CDKAL1: variants seen among roughly 807,000 people sequenced by gnomAD.
The protein encoded by CDKAL1 is threonylcarbamoyladenosine tRNA methylthiotransferase.
In CDKAL1, 32 loss-of-function variants were observed where a neutral mutation model predicts 68.2. The observed-to-expected ratio is 0.47, with a 90% CI of 0.35 to 0.63. CDKAL1 has a LOEUF of 0.63. Ranked by LOEUF, CDKAL1 falls within the 30% of genes least tolerant of loss-of-function variation. CDKAL1 has a pLI of 0.00. For synonymous variants in CDKAL1, 234 were observed against 244.3 expected, an observed-to-expected ratio of 0.96 and a Z score of 0.39; for missense variants, 606 against 696.7, an observed-to-expected ratio of 0.87 and a Z score of 1.47.
chr6:21,185,821 G>A (rs1297056757), intron 13 of CDKAL1, among the ~76,000 whole-genome samples: 1 of 152,118 alleles, frequency 6.6e-6, no homozygotes, highest in African/African-American at 2.4e-5. Flanking sequence ...AGAAGAAGTA[G>A]TATTCATTTT....
At chr6:20,739,783 T>G (rs1234838959) in intron 6 of CDKAL1, among the ~76,000 whole-genome samples, 168 bp downstream of exon 6, 1 of 152,222 alleles carries the variant, frequency 6.6e-6, no homozygotes, top group African/African-American at 2.4e-5. Flanking sequence ...TGTGTAACTT[T>G]TTCACCTTAG....
At chr6:20,625,798 A>G (rs1767403044) in intron 4 of CDKAL1, among the ~76,000 whole-genome samples, 1 of 152,134 alleles carries the variant, frequency 6.6e-6, no homozygotes, top group Non-Finnish European at 1.5e-5. Context: ...TTAGAAGAAA[A>G]TGTAGACTGT....
At chr6:20,940,570 C>T (rs182257594) in intron 9 of CDKAL1, among the ~76,000 whole-genome samples, 15 of 152,112 alleles carry the variant, frequency 9.9e-5, no homozygotes, top group Admixed American at 3.9e-4. Flanking sequence ...TGGCGGGGAG[C>T]GGGAGATGGA....
At chr6:20,613,079 C>A (rs1352542672) in intron 4 of CDKAL1, among the ~76,000 whole-genome samples, 1 of 150,896 alleles carries the variant, frequency 6.6e-6, no homozygotes, top group Non-Finnish European at 1.5e-5. Flanking sequence ...AATGTACACA[C>A]ACACACATAT....
chr6:21,007,093 T>C (rs1767766031), intron 11 of CDKAL1, among the ~76,000 whole-genome samples: 1 of 152,144 alleles, frequency 6.6e-6, no homozygotes, highest in African/African-American at 2.4e-5. Context: ...ATAGGGTTAG[T>C]ATTTTTAATT....
At chr6:21,078,227 TTGTC>T (rs1772180723) in intron 12 of CDKAL1, among the ~76,000 whole-genome samples, 1 of 152,194 alleles carries the variant, frequency 6.6e-6, no homozygotes, top group Admixed American at 6.5e-5. Context: ...TCTGAGAACA[TTGTC>T]TGGCTTTTCG....
intron 8 of CDKAL1, among the ~76,000 whole-genome samples, chr6:20,837,937 T>TTGTG (rs531904726): frequency 0.22 from 26,456 of 122,924 alleles, 3,047 homozygotes; most frequent in Middle Eastern, 0.3. Context: ...TGGGAAGAAA[T>TTGTG]TGTGTGTGTG....
chr6:21,184,530 G>C (rs1777928196), intron 13 of CDKAL1, among the ~76,000 whole-genome samples: 1 of 152,170 alleles, frequency 6.6e-6, no homozygotes, highest in Admixed American at 6.6e-5. Context: ...ACCACACAGA[G>C]AAAGGCCTTT....
At chr6:20,975,569 T>C (rs1483394481) in intron 10 of CDKAL1, among the ~76,000 whole-genome samples, 2 of 152,176 alleles carry the variant, frequency 1.3e-5, no homozygotes. Flanking sequence ...TTCTCTAAGG[T>C]GTGTGAATAT....
chr6:20,972,215 ATCTC>A (rs1467703341), intron 10 of CDKAL1, among the ~76,000 whole-genome samples: 1 of 152,186 alleles, frequency 6.6e-6, no homozygotes. Context: ...ATATCACAAG[ATCTC>A]TCTATTGCCA....
intron 13 of CDKAL1, among the ~76,000 whole-genome samples, chr6:21,175,638 A>C (rs996566395): frequency 6.6e-6 from 1 of 152,198 alleles, no homozygotes; most frequent in Non-Finnish European, 1.5e-5. Flanking sequence ...CTCCATTTTT[A>C]AAAACCAGAC....
intron 9 of CDKAL1, among the ~76,000 whole-genome samples, chr6:20,883,169 A>G (rs1385066956): frequency 1.3e-5 from 2 of 152,190 alleles, no homozygotes; most frequent in Non-Finnish European, 2.9e-5. Context: ...TTCCAAGTGG[A>G]CCTTCCCAGA....
At chr6:21,036,818 C>T (rs1469292640) in intron 11 of CDKAL1, among the ~76,000 whole-genome samples, 2 of 152,154 alleles carry the variant, frequency 1.3e-5, no homozygotes, top group South Asian at 4.1e-4. Context: ...AACTTAGCAG[C>T]GTTGGTGACA....
At chr6:20,962,143 A>T (rs552115643) in intron 10 of CDKAL1, among the ~76,000 whole-genome samples, 14 of 152,366 alleles carry the variant, frequency 9.2e-5, no homozygotes, top group African/African-American at 3.4e-4. Context: ...ATATATTTTT[A>T]AACATATTAC....
At chr6:20,589,099 C>T (rs6907459) in intron 4 of CDKAL1, among the ~76,000 whole-genome samples, 122,131 of 151,800 alleles carry the variant, frequency 0.8, 49,426 homozygotes, top group Middle Eastern at 0.91. Flanking sequence ...TTTCTGTCTC[C>T]GTGAACATCT....
chr6:20,672,025 C>T (rs369019944), intron 5 of CDKAL1, among the ~76,000 whole-genome samples: 17 of 152,102 alleles, frequency 1.1e-4, no homozygotes, highest in East Asian at 7.7e-4. Context: ...TTCTGCTCCA[C>T]GGTTCTGTTT....
intron 9 of CDKAL1, among the ~76,000 whole-genome samples, chr6:20,882,545 T>C (rs554848989): frequency 3.3e-4 from 51 of 152,336 alleles, no homozygotes; most frequent in African/African-American, 1.2e-3. Context: ...TATTTTTTTC[T>C]TCCCCTACAA....
chr6:21,188,367 A>G (rs1778100282), intron 13 of CDKAL1, among the ~76,000 whole-genome samples: 1 of 152,196 alleles, frequency 6.6e-6, no homozygotes, highest in African/African-American at 2.4e-5. Context: ...TGACAAATAA[A>G]ATTGTATCTA....
chr6:21,128,181 C>T (rs1775115810), intron 13 of CDKAL1, among the ~76,000 whole-genome samples: 1 of 152,212 alleles, frequency 6.6e-6, no homozygotes, highest in Admixed American at 6.5e-5. Flanking sequence ...ACTCTCAGTA[C>T]ACAATTCAAT....
Sources: allele counts gnomAD v4.1 joint callset (sites outside exome capture counted in the v4.1 genomes callset), GRCh38; gene constraint gnomAD v4.1.1; transcripts MANE v1.5; gene names NCBI Gene and HGNC (gene_info 2026-07-23, HGNC 2026-07-21).